Variants in ZC3H12B observed in about 807,000 individuals in gnomAD.
ZC3H12B encodes the protein zinc finger CCCH-type containing 12B.
A neutral mutation model predicts 43.9 loss-of-function variants in ZC3H12B; 7 were observed. The ratio of observed to expected loss-of-function variants is 0.16; its 90% CI spans 0.09 to 0.30. The LOEUF (loss-of-function observed/expected upper bound fraction) is 0.30. Ranked by LOEUF, ZC3H12B falls within the 10% of genes least tolerant of loss-of-function variation. The pLI is 1.00. For missense variants in ZC3H12B, 475 were observed against 670.2 expected, an observed-to-expected ratio of 0.71 and a Z score of 3.22; for synonymous variants, 222 against 241.7, an observed-to-expected ratio of 0.92 and a Z score of 0.76.
the ZC3H12B span, among the ~76,000 whole-genome samples, chrX:65,268,136 G>A: frequency 1.8e-5 from 2 of 111,673 alleles, no homozygotes; most frequent in Non-Finnish European, 3.8e-5. Flanking sequence ...ATTATGAACA[G>A]TTATATTTCA....
the ZC3H12B span, among the ~76,000 whole-genome samples, chrX:65,247,937 A>C: frequency 2.7e-5 from 3 of 112,428 alleles, no homozygotes; most frequent in Non-Finnish European, 3.8e-5. Context: ...AATTGCTAAC[A>C]TGCCTTAAAA....
the ZC3H12B span, among the ~76,000 whole-genome samples, chrX:65,336,793 C>T: frequency 8.9e-6 from 1 of 112,361 alleles, no homozygotes; most frequent in Non-Finnish European, 1.9e-5. Context: ...CCTCTTCCAC[C>T]AGTTCCATTA....
chrX:65,214,239 AAAC>A, the ZC3H12B span, among the ~76,000 whole-genome samples: 4 of 111,292 alleles, frequency 3.6e-5, no homozygotes, highest in Non-Finnish European at 5.6e-5. Context: ...TCTTTAAATA[AAAC>A]AACAATTAAA....
At chrX:65,206,959 C>T in the ZC3H12B span, among the ~76,000 whole-genome samples, 1 of 107,994 alleles carries the variant, frequency 9.3e-6, no homozygotes, top group Non-Finnish European at 1.9e-5. Flanking sequence ...CAGTATGATA[C>T]CACCTTACTC....
At chrX:65,446,724 G>T (rs1202094832) in intron 3 of ZC3H12B, among the ~76,000 whole-genome samples, 1 of 111,885 alleles carries the variant, frequency 8.9e-6, no homozygotes, top group Admixed American at 9.5e-5. Context: ...ACACTGCAGA[G>T]GAATGCAGAA....
At chrX:65,202,669 C>T in the ZC3H12B span, among the ~76,000 whole-genome samples, 1 of 111,453 alleles carries the variant, frequency 9.0e-6, no homozygotes, top group South Asian at 3.8e-4. Flanking sequence ...TAGTCACTAC[C>T]ACTGAGACTG....
the ZC3H12B span, among the ~76,000 whole-genome samples, chrX:65,067,637 CTT>C: frequency 8.9e-6 from 1 of 111,815 alleles, no homozygotes; most frequent in African/African-American, 3.2e-5. Flanking sequence ...TATTTTCACT[CTT>C]TCTCTTAGTC....
the ZC3H12B span, among the ~76,000 whole-genome samples, chrX:65,279,175 TG>T: frequency 2.7e-5 from 3 of 111,173 alleles, no homozygotes; most frequent in South Asian, 1.1e-3. Flanking sequence ...CTGGGTCGAA[TG>T]GTACTTCTGC....
the ZC3H12B span, among the ~76,000 whole-genome samples, chrX:65,224,598 G>A: frequency 1.8e-5 from 2 of 112,563 alleles, no homozygotes; most frequent in African/African-American, 3.2e-5. Context: ...AGCACAAGGG[G>A]TCGGGGAGTT....
At chrX:65,365,383 TA>T (rs768048573), upstream of ZC3H12B, among the ~76,000 whole-genome samples, 19 of 111,216 alleles carry the variant, frequency 1.7e-4, no homozygotes, top group Admixed American at 1.2e-3. Context: ...GTCTTTCATT[TA>T]GTTTCCCAAT....
At chrX:65,471,936 G>A (rs1268708902) in intron 3 of ZC3H12B, among the ~76,000 whole-genome samples, 1 of 111,511 alleles carries the variant, frequency 9.0e-6, no homozygotes, top group East Asian at 2.8e-4. Flanking sequence ...GCTCTCAGAG[G>A]TATCCTGGCG....
At chrX:65,072,481 G>A in the ZC3H12B span, among the ~76,000 whole-genome samples, 4 of 112,452 alleles carry the variant, frequency 3.6e-5, no homozygotes, top group African/African-American at 1.3e-4. Context: ...GAGCTGTCAG[G>A]TTTCTTGTGC....
At chrX:65,253,924 C>G in the ZC3H12B span, among the ~76,000 whole-genome samples, 2 of 112,243 alleles carry the variant, frequency 1.8e-5, no homozygotes, top group Non-Finnish European at 3.8e-5. Context: ...ATTGACTCCA[C>G]TTTCCTGCCA....
At chrX:65,093,557 G>A in the ZC3H12B span, among the ~76,000 whole-genome samples, 1 of 112,421 alleles carries the variant, frequency 8.9e-6, no homozygotes, top group Non-Finnish European at 1.9e-5. Context: ...TGCCCTGGGT[G>A]TAAGACATGG....
the ZC3H12B span, among the ~76,000 whole-genome samples, chrX:65,235,634 G>C: frequency 1.8e-5 from 2 of 111,164 alleles, no homozygotes; most frequent in African/African-American, 6.5e-5. Context: ...CAGCTAGCCT[G>C]GTCAGGCTGC....
At chrX:65,195,660 C>G in the ZC3H12B span, among the ~76,000 whole-genome samples, 1 of 112,415 alleles carries the variant, frequency 8.9e-6, no homozygotes, top group East Asian at 2.8e-4. Flanking sequence ...TGAGAGTTTG[C>G]ATAGCTTCAG....
chrX:65,062,849 G>A, the ZC3H12B span, among the ~76,000 whole-genome samples: 2 of 111,804 alleles, frequency 1.8e-5, no homozygotes, highest in South Asian at 3.7e-4. Flanking sequence ...GCAGTAGTTT[G>A]TAGTTCTCCT....
At chrX:65,352,037 A>G in the ZC3H12B span, among the ~76,000 whole-genome samples, 2 of 112,409 alleles carry the variant, frequency 1.8e-5, no homozygotes, top group Non-Finnish European at 3.8e-5. Flanking sequence ...TTGCAGCACT[A>G]TTCACAATAG....
chrX:65,189,557 G>A, the ZC3H12B span, among the ~76,000 whole-genome samples: 3 of 108,268 alleles, frequency 2.8e-5, no homozygotes, highest in Non-Finnish European at 5.7e-5. Flanking sequence ...GTGATGATGA[G>A]CATTTTTTCA....
Sources: allele counts gnomAD v4.1 joint callset (sites outside exome capture counted in the v4.1 genomes callset), GRCh38; gene constraint gnomAD v4.1.1; transcripts MANE v1.5; gene names NCBI Gene and HGNC (gene_info 2026-07-23, HGNC 2026-07-21).